The following ADGB variants were observed in gnomAD, a reference collection of about 807,000 sequenced individuals.
The protein encoded by ADGB is calpain-7-like protein.
ADGB carries 172 observed loss-of-function variants against 210.5 expected under a neutral mutation model. The observed-to-expected ratio is 0.82, with a 90% CI of 0.72 to 0.93. The LOEUF is 0.93. Among genes scored for constraint, ADGB ranks in the 40% least tolerant of loss-of-function variants. ADGB has a pLI of 0.00. For missense variants in ADGB, 2,025 were observed against 1,964.8 expected, an observed-to-expected ratio of 1.03 and a Z score of -0.58; for synonymous variants, 658 against 662.7, an observed-to-expected ratio of 0.99 and a Z score of 0.11.
chr6:146,653,946 T>C (rs1363851633), intron 3 of ADGB, among the ~76,000 whole-genome samples, 189 bp from the exon 4 acceptor site: 1 of 152,158 alleles, frequency 6.6e-6, no homozygotes, highest in African/African-American at 2.4e-5. Flanking sequence ...TTATGCCTAG[T>C]GTTCCATTAT....
At chr6:146,612,723 G>T (rs940574103) in intron 1 of ADGB, among the ~76,000 whole-genome samples, 2 of 152,102 alleles carry the variant, frequency 1.3e-5, no homozygotes, top group Admixed American at 1.3e-4. Flanking sequence ...CTGGTAGAAT[G>T]GTCCTGCTCT....
intron 1 of ADGB, among the ~76,000 whole-genome samples, chr6:146,619,976 C>A (rs1391450044): frequency 6.6e-6 from 1 of 151,142 alleles, no homozygotes; most frequent in Non-Finnish European, 1.5e-5. Flanking sequence ...TTGGTGAATT[C>A]CCTCAGCCTT....
chr6:146,692,935 C>T lies in ADGB; in HGVS notation c.1577+20C>T. On this transcript the variant is annotated intron_variant, in intron 12 of 35. Transcript: ENST00000397944. ...AGAAATGTAAGTATTAACATTCTTC[C>T]TCACAAATGTGTCTTGTTAGTAAAT... 2 of 1,305,736 alleles carry T rather than the reference C, an allele frequency of 1.5e-6. No individual in the cohort carries two copies. Among genetic ancestry groups the T allele is most frequent in the Non-Finnish European group, 1.1e-6 (1 of 934,874 alleles). 80.9% of individuals were successfully genotyped at this position (1,305,736 alleles called of 1,614,324 possible). A position where few individuals can be genotyped will look rare whatever the true frequency, so the allele number is the denominator to read the frequency against.
intron 1 of ADGB, among the ~76,000 whole-genome samples, chr6:146,610,688 T>C (rs1780695538): frequency 6.6e-6 from 1 of 152,138 alleles, no homozygotes; most frequent in Admixed American, 6.5e-5. Context: ...TGTTCTCTGG[T>C]TCCTTGAGGT....
At chr6:146,774,491 T>C (rs935310041) in intron 29 of ADGB, among the ~76,000 whole-genome samples, 16 of 152,356 alleles carry the variant, frequency 1.1e-4, no homozygotes, top group African/African-American at 3.8e-4. Context: ...GTATGTTTGT[T>C]GCTGAAAAGC....
chr6:146,799,669 T>A (rs1357778641), intron 33 of ADGB, among the ~76,000 whole-genome samples: 1 of 151,710 alleles, frequency 6.6e-6, no homozygotes, highest in East Asian at 1.9e-4. Context: ...TGATTTTGAA[T>A]ATATGTACCA....
At chr6:146,654,237 C>T in intron 4 of ADGB, 31 bp downstream of exon 4, 1 of 1,459,752 alleles carries the variant, frequency 6.9e-7, no homozygotes, top group Non-Finnish European at 9.4e-7. Context: ...TAAAGTCTCA[C>T]CATGAAATGA....
chr6:146,629,827 C>A (rs1219886661), intron 1 of ADGB, among the ~76,000 whole-genome samples: 1 of 152,166 alleles, frequency 6.6e-6, no homozygotes, highest in Non-Finnish European at 1.5e-5. Flanking sequence ...ATAATACATT[C>A]TTACATGCTA....
chr6:146,694,221 T>C (rs994031923), intron 12 of ADGB, among the ~76,000 whole-genome samples: 6 of 152,154 alleles, frequency 3.9e-5, no homozygotes, highest in Non-Finnish European at 7.3e-5. Context: ...TGGGCTGCTA[T>C]AACAAAATAC....
rs1012531068 is a variant in ADGB, at chr6:146,637,679, C to T, written c.237+2142C>T. On this transcript the variant is annotated intron_variant, in intron 2 of 35. Coordinates refer to ENST00000397944, the MANE Select transcript of ADGB (RefSeq NM_024694.4). Reference sequence around the variant, plus strand: ...TTGACTGAGTCAGGTACATCTTGTACTCTGCCTGCCAAAAGGAAATAAATT... The same window carrying T: ...TTGACTGAGTCAGGTACATCTTGTATTCTGCCTGCCAAAAGGAAATAAATT... 3.3e-5 allele frequency among the ~76,000 whole-genome samples: 5 copies of T among 152,012 alleles called. No individual in the cohort carries two copies. In the South Asian group the frequency reaches 1.0e-3, roughly 31 times the overall value.
In ADGB at chr6:146,666,802, A is replaced by G. The variant is rs777173253; in HGVS notation, c.753-14A>G. On this transcript the variant is annotated splice_polypyrimidine_tract_variant and intron_variant, in intron 6 of 35. Transcript: ENST00000397944. Reference sequence around the variant, plus strand: ...AATTTTGCTACCTGTAACATTATGCATGTTCTTTTTTAGCATCCATGTAGC... The same window carrying G: ...AATTTTGCTACCTGTAACATTATGCGTGTTCTTTTTTAGCATCCATGTAGC... 2.0e-5 allele frequency: 30 copies of G among 1,536,774 alleles called. No homozygotes were observed. The highest frequency in any genetic ancestry group is 8.3e-5 in the African/African-American group (6 of 72,616).
chr6:146,655,649 T>C (rs1158606669), intron 4 of ADGB, among the ~76,000 whole-genome samples: 1 of 152,162 alleles, frequency 6.6e-6, no homozygotes. Context: ...GTTATACATA[T>C]TAGTATAAAA....
chr6:146,641,945 A>G (rs1775522472), intron 2 of ADGB, among the ~76,000 whole-genome samples: 3 of 152,284 alleles, frequency 2.0e-5, no homozygotes, highest in Admixed American at 6.5e-5. Context: ...AGCAAAAGAA[A>G]CTATCAACAG....
intron 4 of ADGB, among the ~76,000 whole-genome samples, chr6:146,655,851 T>A (rs1230558272): frequency 6.6e-6 from 1 of 152,148 alleles, no homozygotes; most frequent in Non-Finnish European, 1.5e-5. Context: ...ATTTCCTAGA[T>A]AACTCAAATT....
intron 9 of ADGB, among the ~76,000 whole-genome samples, chr6:146,683,642 G>C (rs1776187274): frequency 6.6e-6 from 1 of 151,926 alleles, no homozygotes; most frequent in Non-Finnish European, 1.5e-5. Context: ...AATATGTCAA[G>C]ACCACATTCT....
chr6:146,672,461 C>T lies in ADGB; in HGVS notation c.1081C>T (p.Pro361Ser). 1 of 1,540,606 alleles carries T rather than the reference C, an allele frequency of 6.5e-7. No homozygotes were observed. Residue 361 changes from proline (P) to serine (S), a missense_variant, in exon 8 of 36, where the codon CCA becomes TCA. Physicochemically the swap from Pro to Ser is moderately conservative, Grantham distance 74 (BLOSUM62 -1). Transcript: ENST00000397944. ...LKAPEKSDKV[P>S]KEKADARDIG... is the part of the protein sequence containing the mutation. The stretch of plus-strand genomic sequence containing the variant: ...GGCTCCTGAGAAAAGCGACAAAGTT[C>T]CAAAGGGTAAGATATTTTACATCAA...
At chr6:146,797,148 T>TGTG (rs1208672553) in intron 33 of ADGB, among the ~76,000 whole-genome samples, 2 of 152,138 alleles carry the variant, frequency 1.3e-5, no homozygotes, top group Non-Finnish European at 2.9e-5. Context: ...CACAATGTGA[T>TGTG]ACTACCTTAT....
rs180915650 is a variant in ADGB, at chr6:146,684,036, T to C, written c.1217-1698T>C. 5.2e-3 allele frequency among the ~76,000 whole-genome samples: 798 copies of C among 152,140 alleles called. 7 individuals carry two copies. Among genetic ancestry groups the C allele is most frequent in the Admixed American group, 0.011 (172 of 15,236 alleles). On this transcript the variant is annotated intron_variant, in intron 9 of 35. Transcript: ENST00000397944. ...GAACGAGCCATGGGGTGCCCAGACA[T>C]TTGGTCAAACATTATGTAAGGTGTG...
chr6:146,642,804 T>C (rs1359274959), intron 2 of ADGB, among the ~76,000 whole-genome samples: 1 of 151,814 alleles, frequency 6.6e-6, no homozygotes, highest in East Asian at 1.9e-4. Flanking sequence ...AAGATAACTA[T>C]TGGGTTCTGG....
Sources: gnomAD v4.1 joint callset for allele counts (sites outside exome capture counted in the v4.1 genomes callset) on GRCh38, gnomAD v4.1.1 for gene constraint, MANE v1.5 for transcripts, NCBI Gene and HGNC (gene_info 2026-07-23, HGNC 2026-07-21) for gene names.